Variants in FBLN1 observed in about 807,000 individuals in gnomAD.
FBLN1 encodes fibulin-1.
Under a neutral mutation model 89.7 loss-of-function variants are expected in FBLN1, and 34 were observed. The observed-to-expected ratio is 0.38, with a 90% confidence interval of 0.29 to 0.50. FBLN1 has a LOEUF of 0.50. Among genes scored for constraint, FBLN1 ranks in the 20% least tolerant of loss-of-function variants. The pLI is 0.92. For synonymous variants in FBLN1, 393 were observed against 391.3 expected, an observed-to-expected ratio of 1.00 and a Z score of -0.05; for missense variants, 777 against 988.1, an observed-to-expected ratio of 0.79 and a Z score of 2.86.
Position 45,590,641 on chromosome 22 carries a change from G to T in FBLN1, c.1973-9666G>T, listed in dbSNP as rs920339706. On this transcript the variant is annotated intron_variant, in intron 16 of 16. Transcript: ENST00000327858. The surrounding 1 kb of genome is among the most constrained non-coding windows in gnomAD (Gnocchi z 4.1). ...TGTTCAGGTAGATGCGACGAGGCCG[G>T]AACTGAGGCCAGGTGGGGTTGTGGG... 4.6e-5 allele frequency among the ~76,000 whole-genome samples: 7 copies of T among 152,296 alleles called. No homozygotes were observed. The highest frequency in any genetic ancestry group is 1.7e-4 in the African/African-American group (7 of 41,564).
Position 45,525,761 on chromosome 22 carries a change from T to A in FBLN1, c.321+83T>A, listed in dbSNP as rs1433349828. On this transcript the variant is annotated intron_variant, in intron 3 of 16. Coordinates refer to ENST00000327858, the MANE Select transcript of FBLN1 (RefSeq NM_006486.3). ...GCCCTCCCAGCCAAGCGGCACTGTC[T>A]GTCAGCGCTCCCTGCCTCAGGCCAC... The A allele has an allele frequency of 6.6e-6, 10 of 1,522,576 alleles. No homozygotes were observed. The Admixed American group carries it at 1.6e-4, about 24-fold the overall frequency. 94.3% of individuals were successfully genotyped at this position (1,522,576 alleles called of 1,614,324 possible).
chr22:45,563,273 G>A lies in FBLN1; in HGVS notation c.1698-11238G>A, dbSNP rs772123196. The stretch of plus-strand genomic sequence containing the variant: ...TGTGTCTGCAGAGCTCTGAGCACTC[G>A]CTTCGCGTCGCGGGGTCTCCCTCCT... On this transcript the variant is annotated intron_variant, in intron 14 of 16. Transcript: ENST00000327858. The surrounding 1 kb of genome is among the most constrained non-coding windows in gnomAD (Gnocchi z 5.7). The A allele has an allele frequency of 5.0e-6, 8 of 1,613,454 alleles. No individual in the cohort carries two copies. The highest frequency in any genetic ancestry group is 2.2e-5 in the East Asian group (1 of 44,884).
At chr22:45,546,865 G>C (rs2088635211) in intron 11 of FBLN1, among the ~76,000 whole-genome samples, 1 of 152,212 alleles carries the variant, frequency 6.6e-6, no homozygotes, top group Non-Finnish European at 1.5e-5. Context: ...CATCCTGGCA[G>C]GAGAAGTTGT....
intron 1 of FBLN1, among the ~76,000 whole-genome samples, chr22:45,516,144 G>T (rs926825968): frequency 6.6e-6 from 1 of 152,194 alleles, no homozygotes; most frequent in Non-Finnish European, 1.5e-5. Flanking sequence ...GGGTGACAGG[G>T]CATGGGAGGT....
At position 45,563,521 on chromosome 22, in the gene FBLN1, C is replaced by T. The variant is rs925126350; in HGVS notation, c.1698-10990C>T. Among the ~76,000 whole-genome samples, 1 of 152,128 alleles carries T rather than the reference C, an allele frequency of 6.6e-6. No individual in the cohort carries two copies. The highest frequency in any genetic ancestry group is 1.5e-5 in the Non-Finnish European group (1 of 68,020). On this transcript the variant is annotated intron_variant, in intron 14 of 16. Coordinates refer to ENST00000327858, the MANE Select transcript of FBLN1 (RefSeq NM_006486.3). The surrounding 1 kb of genome is among the most constrained non-coding windows in gnomAD (Gnocchi z 5.7). ...TGCTCGGGGGTCCCTGTTCACAGAG[C>T]CCACTGTCTGTGCCGACAGGGAGGC...
intron 1 of FBLN1, among the ~76,000 whole-genome samples, chr22:45,516,755 C>T (rs886981781): frequency 6.6e-6 from 1 of 152,214 alleles, no homozygotes; most frequent in East Asian, 1.9e-4. Flanking sequence ...CTGCCAGCCT[C>T]GGGGAGCCGG....
At chr22:45,517,476 TG>T in intron 1 of FBLN1, 1 of 458,216 alleles carries the variant, frequency 2.2e-6, no homozygotes. Context: ...GGCTGGGGCA[TG>T]GGGCACAAGG....
At chr22:45,518,612 G>A in intron 1 of FBLN1, 70 bp from the exon 2 acceptor site, 1 of 1,109,440 alleles carries the variant, frequency 9.0e-7, no homozygotes, top group Non-Finnish European at 1.3e-6. Flanking sequence ...TGTCCTGGTG[G>A]TGCATCTGGG....
At chr22:45,552,079 G>C (rs1434011814) in intron 14 of FBLN1, among the ~76,000 whole-genome samples, 1 of 152,250 alleles carries the variant, frequency 6.6e-6, no homozygotes, top group African/African-American at 2.4e-5. Flanking sequence ...CCACCCCTCA[G>C]TGCTGGAGAA....
intron 1 of FBLN1, among the ~76,000 whole-genome samples, chr22:45,510,477 CA>C (rs2088084615): frequency 6.6e-6 from 1 of 152,150 alleles, no homozygotes; most frequent in African/African-American, 2.4e-5. Context: ...AGATCAGAAG[CA>C]GACTCCAGGC....
At chr22:45,592,221 AG>A (rs887978235) in intron 16 of FBLN1, among the ~76,000 whole-genome samples, 12 of 152,198 alleles carry the variant, frequency 7.9e-5, no homozygotes, top group African/African-American at 2.9e-4. Flanking sequence ...GTGGGCACAT[AG>A]GGTCTCTCTG....
chr22:45,505,910 T>G (rs13433661), intron 1 of FBLN1, among the ~76,000 whole-genome samples: 1,754 of 152,248 alleles, frequency 0.012, 32 homozygotes, highest in African/African-American at 0.04. Context: ...CAGCTGGGAT[T>G]GCAGGCGCCC....
At chr22:45,564,366 G>T (rs1002155030) in intron 14 of FBLN1, among the ~76,000 whole-genome samples, 2 of 152,178 alleles carry the variant, frequency 1.3e-5, no homozygotes, top group African/African-American at 4.8e-5. Context: ...TTGGGTTAAG[G>T]CCTCCAGATC....
At chr22:45,573,843 T>G (rs1602219351) in intron 14 of FBLN1, among the ~76,000 whole-genome samples, 1 of 152,058 alleles carries the variant, frequency 6.6e-6, no homozygotes, top group Non-Finnish European at 1.5e-5. Flanking sequence ...TATAAAGGCG[T>G]TTGCCTTGTA....
At chr22:45,519,925 T>G (rs375422691) in intron 2 of FBLN1, among the ~76,000 whole-genome samples, 2 of 152,172 alleles carry the variant, frequency 1.3e-5, no homozygotes, top group African/African-American at 4.8e-5. Flanking sequence ...ATCCCAGCAC[T>G]TTGGGAGACC....
intron 14 of FBLN1, among the ~76,000 whole-genome samples, chr22:45,555,040 T>TGGG (rs2088762917): frequency 6.6e-6 from 1 of 151,762 alleles, no homozygotes; most frequent in African/African-American, 2.4e-5. Context: ...CGCAGGAGGT[T>TGGG]AGGACCCGTC....
At chr22:45,513,908 C>T (rs2088135219) in intron 1 of FBLN1, among the ~76,000 whole-genome samples, 1 of 152,114 alleles carries the variant, frequency 6.6e-6, no homozygotes, top group Non-Finnish European at 1.5e-5. Flanking sequence ...ATTCTTCTGC[C>T]TCAGCCTCCT....
At chr22:45,540,545 A>G (rs927588868) in intron 8 of FBLN1, among the ~76,000 whole-genome samples, 1 of 152,136 alleles carries the variant, frequency 6.6e-6, no homozygotes, top group African/African-American at 2.4e-5. Context: ...AAGGTTCTCC[A>G]AGGTGATGTT....
At chr22:45,559,186 G>T (rs950051206) in intron 14 of FBLN1, among the ~76,000 whole-genome samples, 2 of 152,168 alleles carry the variant, frequency 1.3e-5, no homozygotes, top group Non-Finnish European at 2.9e-5. Flanking sequence ...TACATACCAG[G>T]TACCAAGAGA....
Sources: allele counts gnomAD v4.1 joint callset (sites outside exome capture counted in the v4.1 genomes callset), GRCh38; gene constraint gnomAD v4.1.1; non-coding constraint Gnocchi (gnomAD v3.1); transcripts MANE v1.5; gene names NCBI Gene and HGNC (gene_info 2026-07-23, HGNC 2026-07-21).